Variants in ZC3H7B observed in about 807,000 individuals in gnomAD.
ZC3H7B encodes the protein zinc finger CCCH-type containing 7B, also known as zinc finger CCCH domain-containing protein 7B.
A neutral mutation model predicts 116.0 loss-of-function variants in ZC3H7B; 35 were observed. That is an observed-to-expected ratio of 0.30 (90% CI 0.23 to 0.40). ZC3H7B has a LOEUF of 0.40. Among genes scored for constraint, ZC3H7B ranks in the 10% least tolerant of loss-of-function variants. The pLI is 1.00. For missense variants in ZC3H7B, 1,011 were observed against 1,321.5 expected (o/e 0.77, Z 3.64); for synonymous variants, 502 against 545.6 (o/e 0.92, Z 1.11).
chr22:41,324,019 G>A (rs561696329), intron 2 of ZC3H7B, among the ~76,000 whole-genome samples: 16 of 152,140 alleles, frequency 1.1e-4, no homozygotes, highest in African/African-American at 1.2e-4. Context: ...GCAGTGAGCC[G>A]AGATTGGGCC....
At position 41,338,938 on chromosome 22, in the gene ZC3H7B, G is replaced by A; in HGVS notation, c.626-63G>A. 1 of 1,448,506 alleles carries A rather than the reference G, an allele frequency of 6.9e-7. No individual in the cohort carries two copies. Among genetic ancestry groups the A allele is most frequent in the South Asian group, 1.5e-5 (1 of 67,250 alleles). The allele number at this position is 1,448,506 out of a possible 1,614,324, so 89.7% of individuals were successfully genotyped here. A position where few individuals can be genotyped will look rare whatever the true frequency, so the allele number is the denominator to read the frequency against. The stretch of plus-strand genomic sequence containing the variant: ...TGTTGGATGAGCATCACGGGGCCCG[G>A]GACGCCTCCTCCACCCTCACCAAGC... On this transcript the variant is annotated intron_variant, in intron 8 of 22. Transcript: ENST00000352645. The surrounding 1 kb of genome is among the most constrained non-coding windows in gnomAD (Gnocchi z 4.5).
chr22:41,330,056 G>A lies in ZC3H7B; in HGVS notation c.478G>A (p.Ala160Thr). The A allele has an allele frequency of 8.1e-6, 13 of 1,613,918 alleles. No homozygotes were observed. The highest frequency in any genetic ancestry group is 1.1e-5 in the Non-Finnish European group (13 of 1,180,016). Residue 160 changes from alanine (A) to threonine (T), a missense_variant, in exon 6 of 23, where the codon GCC becomes ACC. By Grantham distance (58) the Ala-to-Thr change is moderately conservative (BLOSUM62 0). Around this residue, in one of 5 missense-constraint regions of ZC3H7B, gnomAD observed 322 missense variants for 443.9 expected, o/e 0.73. Transcript: ENST00000352645. Reference sequence around the variant, plus strand: ...CGTGACTCAGCTTGGTCAGGAGCTGGCCCAGAAACTGGGGCTGCGAGTTCG... The same window carrying A: ...CGTGACTCAGCTTGGTCAGGAGCTGACCCAGAAACTGGGGCTGCGAGTTCG... ...ESVTQLGQEL[A>T]QKLGLRVRKA...
In ZC3H7B at chr22:41,351,441, G is replaced by A. The variant is rs558041963; in HGVS notation, c.1949-120G>A. 58 of 790,332 alleles carry A rather than the reference G, an allele frequency of 7.3e-5. No homozygotes were observed. Among genetic ancestry groups the A allele is most frequent in the Non-Finnish European group, 1.0e-4 (51 of 496,176 alleles). The allele number at this position is 790,332 out of a possible 1,614,324, so 49.0% of individuals were successfully genotyped here. On this transcript the variant is annotated intron_variant, in intron 16 of 22. Coordinates refer to ENST00000352645, the MANE Select transcript of ZC3H7B (RefSeq NM_017590.6). The surrounding 1 kb of genome is among the most constrained non-coding windows in gnomAD (Gnocchi z 5.1). The stretch of plus-strand genomic sequence containing the variant: ...TTGTACCCCATGTCTTACTGTGGCT[G>A]GGCTGAGAATAGGGCTCCTCCAGCT...
rs2036637003 is a variant in ZC3H7B at position 41,349,980 on chromosome 22, G to A, written c.1948+679G>A. Among the ~76,000 whole-genome samples the A allele has an allele frequency of 6.6e-6, 1 of 152,186 alleles. No individual in the cohort carries two copies. Among genetic ancestry groups the A allele is most frequent in the African/African-American group, 2.4e-5 (1 of 41,432 alleles). Reference sequence around the variant, plus strand: ...TAAAATATGGTACATATAACATTCAGTGTCTGCTTAGAGTTGGTGAAATGC... The same window carrying A: ...TAAAATATGGTACATATAACATTCAATGTCTGCTTAGAGTTGGTGAAATGC... On this transcript the variant is annotated intron_variant, in intron 16 of 22. Coordinates refer to ENST00000352645, the MANE Select transcript of ZC3H7B (RefSeq NM_017590.6). This position sits in a 1 kb window ranked among gnomAD's most constrained non-coding sequence, Gnocchi z 4.9.
intron 13 of ZC3H7B, among the ~76,000 whole-genome samples, chr22:41,345,495 G>A (rs549346608): frequency 2.6e-5 from 4 of 152,250 alleles, no homozygotes; most frequent in South Asian, 4.1e-4. Flanking sequence ...TGAGGCAGGA[G>A]AATCACTTGA....
At position 41,325,771 on chromosome 22, in the gene ZC3H7B, G is replaced by A. The variant is rs749052112; in HGVS notation, c.138G>A (p.Leu46=). ...ATCTGTTTGCTGAGGGCAATGATCT[G>A]TTCCGGGAGAAGGACTATAAGCAGG... ...VQNLFAEGND[L]FREKDYKQAL... is the part of the protein sequence containing the mutation. Residue 46 remains leucine, a synonymous_variant, in exon 4 of 23, where the codon CTG becomes CTA. Coordinates refer to ENST00000352645, the MANE Select transcript of ZC3H7B (RefSeq NM_017590.6). The A allele has an allele frequency of 5.6e-5, 90 of 1,613,882 alleles. No individual in the cohort carries two copies. Among genetic ancestry groups the A allele is most frequent in the Non-Finnish European group, 7.5e-5 (88 of 1,180,024 alleles).
intron 1 of ZC3H7B, among the ~76,000 whole-genome samples, chr22:41,309,258 T>C (rs2036088023): frequency 6.6e-6 from 1 of 151,386 alleles, no homozygotes; most frequent in South Asian, 2.1e-4. Flanking sequence ...GATCCGCCCA[T>C]CTCGGCCTCC....
At chr22:41,320,520 G>T in intron 1 of ZC3H7B, 135 bp from the exon 2 acceptor site, 2 of 996,126 alleles carry the variant, frequency 2.0e-6, no homozygotes, top group Admixed American at 3.5e-5. Flanking sequence ...TCGCCCTCAG[G>T]GACACGCCTC....
chr22:41,313,744 T>G (rs1392807233), intron 1 of ZC3H7B, among the ~76,000 whole-genome samples: 3 of 151,870 alleles, frequency 2.0e-5, no homozygotes, highest in Non-Finnish European at 4.4e-5. Flanking sequence ...TTTTTTTGTG[T>G]TTTTGATTTT....
In ZC3H7B at chr22:41,357,812, T is replaced by A. The variant is rs1472461410; in HGVS notation, c.*383T>A. 2 of 275,566 alleles carry A rather than the reference T, an allele frequency of 7.3e-6. No individual in the cohort carries two copies. The highest frequency in any genetic ancestry group is 4.4e-5 in the African/African-American group (2 of 45,954). 17.1% of individuals were successfully genotyped at this position (275,566 alleles called of 1,614,324 possible). ...CCCACTTGAATCTCCAGCAGGAGGGTCCTTCTCTCCCTGGCCCGTCCTCCT... is the reference window on the plus strand; with the variant it reads ...CCCACTTGAATCTCCAGCAGGAGGGACCTTCTCTCCCTGGCCCGTCCTCCT... On this transcript the variant is annotated 3_prime_UTR_variant, in exon 23 of 23. Coordinates refer to ENST00000352645, the MANE Select transcript of ZC3H7B (RefSeq NM_017590.6). The surrounding 1 kb of genome is among the most constrained non-coding windows in gnomAD (Gnocchi z 5.4).
Position 41,357,470 on chromosome 22 carries a change from G to T in ZC3H7B, c.*41G>T. ...GTGGGTGAAGTCCTGGGGTCAGGGG[G>T]TGGGGTGGGGCCAGAAGGCCTGATA... is the stretch of plus-strand genomic sequence containing the variant. On this transcript the variant is annotated 3_prime_UTR_variant, in exon 23 of 23. Transcript: ENST00000352645. This position sits in a 1 kb window ranked among gnomAD's most constrained non-coding sequence, Gnocchi z 5.4. The T allele has an allele frequency of 1.0e-5, 16 of 1,598,394 alleles. No individual in the cohort carries two copies. Among genetic ancestry groups the T allele is most frequent in the Non-Finnish European group, 1.2e-5 (14 of 1,174,100 alleles).
chr22:41,341,636 G>T (rs1189571838), intron 11 of ZC3H7B, among the ~76,000 whole-genome samples: 1 of 152,018 alleles, frequency 6.6e-6, no homozygotes, highest in African/African-American at 2.4e-5. Flanking sequence ...CCAGCTACTC[G>T]CGAGGCTGAG....
intron 6 of ZC3H7B, among the ~76,000 whole-genome samples, chr22:41,331,289 G>T (rs979052262): frequency 6.7e-6 from 1 of 148,598 alleles, no homozygotes; most frequent in Non-Finnish European, 1.5e-5. Flanking sequence ...GGTGGCTCAT[G>T]CCTGTAATCC....
intron 12 of ZC3H7B, 50 bp downstream of exon 12, chr22:41,342,678 C>A: frequency 6.6e-7 from 1 of 1,512,120 alleles, no homozygotes. Flanking sequence ...AACTGGGAAT[C>A]TCAGGAACAT....
chr22:41,317,686 A>T (rs994174779), intron 1 of ZC3H7B, among the ~76,000 whole-genome samples: 1 of 152,168 alleles, frequency 6.6e-6, no homozygotes, highest in Admixed American at 6.6e-5. Context: ...CAGGAGGCTG[A>T]GGGGGGAAGA....
rs551281738 is a variant in ZC3H7B at position 41,347,670 on chromosome 22, C to G, written c.1666-397C>G. On this transcript the variant is annotated intron_variant, in intron 14 of 22. Transcript: ENST00000352645. Reference sequence around the variant, plus strand: ...ATCCCTGGCACCACCAGCCCTTCCCCTAGCTCTTCCAGGTCGGGACTTGTG... The same window carrying G: ...ATCCCTGGCACCACCAGCCCTTCCCGTAGCTCTTCCAGGTCGGGACTTGTG... 2.6e-5 allele frequency among the ~76,000 whole-genome samples: 4 copies of G among 152,342 alleles called. No individual in the cohort carries two copies. The South Asian group carries it at 8.3e-4, about 32-fold the overall frequency.
rs9619962 is a variant in ZC3H7B, at chr22:41,351,962, A to G, written c.2034+316A>G. ...CTCAGCCTCCTGAGTAGCTGGGATT[A>G]CAGGCATGCACCACCACACCTGGCT... On this transcript the variant is annotated intron_variant, in intron 17 of 22. Transcript: ENST00000352645. This position sits in a 1 kb window ranked among gnomAD's most constrained non-coding sequence, Gnocchi z 5.1. 6.6e-6 allele frequency among the ~76,000 whole-genome samples: 1 copy of G among 152,058 alleles called. No individual in the cohort carries two copies. The highest frequency in any genetic ancestry group is 1.5e-5 in the Non-Finnish European group (1 of 68,004).
At chr22:41,339,330 A>T (rs981480009) in intron 9 of ZC3H7B, 139 bp downstream of exon 9, 2 of 1,098,130 alleles carry the variant, frequency 1.8e-6, no homozygotes, top group African/African-American at 3.2e-5. Flanking sequence ...TGTTTGGTAC[A>T]GAAATGAAGC....
chr22:41,331,203 C>G (rs1461339422), intron 6 of ZC3H7B, among the ~76,000 whole-genome samples: 1 of 147,320 alleles, frequency 6.8e-6, no homozygotes, highest in African/African-American at 2.5e-5. Flanking sequence ...GAGCCAAGAT[C>G]GCACCATTGC....
Sources: gnomAD v4.1 joint callset for allele counts (sites outside exome capture counted in the v4.1 genomes callset) on GRCh38, gnomAD v4.1.1 for gene constraint, gnomAD v4.1.1 regional missense constraint, Gnocchi (gnomAD v3.1) non-coding constraint, MANE v1.5 for transcripts, NCBI Gene and HGNC (gene_info 2026-07-23, HGNC 2026-07-21) for gene names.